ADAM22: variants seen among roughly 807,000 people sequenced by gnomAD.
The protein encoded by ADAM22 is disintegrin and metalloproteinase domain-containing protein 22.
In ADAM22, 65 loss-of-function variants were observed where a neutral mutation model predicts 144.6. That is an observed-to-expected ratio of 0.45 (90% CI 0.37 to 0.55). The LOEUF (loss-of-function observed/expected upper bound fraction) is 0.55. Ranked by LOEUF, ADAM22 falls within the 20% of genes least tolerant of loss-of-function variation. The probability of loss-of-function intolerance (pLI) is 0.00; values close to 1 mark genes in which losing one functional copy is unlikely to be tolerated. For synonymous variants in ADAM22, 391 were observed against 412.6 expected, an observed-to-expected ratio of 0.95 and a Z score of 0.63; for missense variants, 974 against 1,184.9, an observed-to-expected ratio of 0.82 and a Z score of 2.61.
At chr7:88,047,008 G>A (rs1020133120) in intron 3 of ADAM22, among the ~76,000 whole-genome samples, 49 of 152,236 alleles carry the variant, frequency 3.2e-4, no homozygotes, top group African/African-American at 1.1e-3. Flanking sequence ...CACCAGCTGT[G>A]GAACTTGGTG....
At chr7:88,088,008 A>C (rs982339814) in intron 4 of ADAM22, among the ~76,000 whole-genome samples, 1 of 152,132 alleles carries the variant, frequency 6.6e-6, no homozygotes, top group Non-Finnish European at 1.5e-5. Flanking sequence ...GCCACCATTG[A>C]AGTCTGGAAA....
intron 2 of ADAM22, among the ~76,000 whole-genome samples, chr7:87,953,507 C>T (rs1453866625): frequency 2.0e-5 from 3 of 152,232 alleles, no homozygotes; most frequent in African/African-American, 4.8e-5. Context: ...GTCTGAGAGA[C>T]AGTTTGTTAC....
intron 24 of ADAM22, among the ~76,000 whole-genome samples, chr7:88,167,789 G>A (rs1316305275): frequency 6.6e-6 from 1 of 152,052 alleles, no homozygotes; most frequent in Non-Finnish European, 1.5e-5. Flanking sequence ...AACATTTCTA[G>A]AATTTCTGAG....
intron 29 of ADAM22, among the ~76,000 whole-genome samples, chr7:88,183,376 C>T (rs1847554605): frequency 6.6e-6 from 1 of 152,004 alleles, no homozygotes; most frequent in Admixed American, 6.6e-5. Context: ...TCCTTGTTTA[C>T]TGTTTAGTGT....
intron 3 of ADAM22, among the ~76,000 whole-genome samples, chr7:88,061,817 CTCTT>C (rs1290264142): frequency 6.8e-6 from 1 of 147,126 alleles, no homozygotes; most frequent in Non-Finnish European, 1.5e-5. Context: ...AGTCAGCCTT[CTCTT>C]TCTTTCTCTC....
At chr7:88,157,927 C>G (rs4728733) in intron 22 of ADAM22, among the ~76,000 whole-genome samples, 4 of 151,926 alleles carry the variant, frequency 2.6e-5, no homozygotes, top group African/African-American at 9.7e-5. Flanking sequence ...TGTAAATGGC[C>G]TAAATACCCC....
At chr7:88,002,239 A>C (rs1792739259) in intron 3 of ADAM22, among the ~76,000 whole-genome samples, 1 of 152,188 alleles carries the variant, frequency 6.6e-6, no homozygotes, top group Non-Finnish European at 1.5e-5. Context: ...GTGTCTGGCT[A>C]GGATACCTTC....
chr7:88,033,600 GC>G (rs1800801223), intron 3 of ADAM22, among the ~76,000 whole-genome samples: 1 of 152,204 alleles, frequency 6.6e-6, no homozygotes, highest in Non-Finnish European at 1.5e-5. Context: ...TCAGCTGGTG[GC>G]AAAGCCAGCC....
intron 4 of ADAM22, among the ~76,000 whole-genome samples, chr7:88,084,601 A>T (rs1817899960): frequency 6.6e-6 from 1 of 152,170 alleles, no homozygotes; most frequent in Non-Finnish European, 1.5e-5. Flanking sequence ...TTCTGTGCTT[A>T]GCTCTTTGAG....
chr7:87,970,334 T>C (rs773610845), intron 2 of ADAM22, among the ~76,000 whole-genome samples: 7 of 152,158 alleles, frequency 4.6e-5, no homozygotes, highest in Non-Finnish European at 8.8e-5. Context: ...AAGAGTCAAA[T>C]GGCAAATATG....
intron 18 of ADAM22, 24 bp downstream of exon 18, chr7:88,149,081 A>G (rs1837538365): frequency 6.3e-7 from 1 of 1,584,930 alleles, no homozygotes; most frequent in Non-Finnish European, 8.7e-7. Context: ...TAACTGCTCT[A>G]AAACTTATGG....
At chr7:88,181,870 C>T (rs1847116214) in intron 28 of ADAM22, 88 bp from the exon 29 acceptor site, 1 of 1,179,050 alleles carries the variant, frequency 8.5e-7, no homozygotes, top group Admixed American at 2.0e-5. Flanking sequence ...TGCTGCTTAT[C>T]AATTATACCC....
chr7:88,120,182 A>G (rs945860583), intron 7 of ADAM22, among the ~76,000 whole-genome samples: 1 of 151,748 alleles, frequency 6.6e-6, no homozygotes, highest in Admixed American at 6.6e-5. Flanking sequence ...TAATATATAT[A>G]TATTTTTTAT....
intron 10 of ADAM22, 142 bp downstream of exon 10, chr7:88,130,601 C>T (rs1471723396): frequency 8.6e-6 from 6 of 694,034 alleles, no homozygotes; most frequent in Middle Eastern, 6.1e-4. Flanking sequence ...GGTGACCTTG[C>T]AATAGACTTT....
intron 3 of ADAM22, among the ~76,000 whole-genome samples, chr7:88,058,517 A>G (rs1808886991): frequency 6.6e-6 from 1 of 152,208 alleles, no homozygotes; most frequent in South Asian, 2.1e-4. Flanking sequence ...GACTTTTTAG[A>G]AGTTATACTT....
At chr7:88,191,518 A>G (rs1586654029) in intron 30 of ADAM22, among the ~76,000 whole-genome samples, 1 of 152,384 alleles carries the variant, frequency 6.6e-6, no homozygotes, top group East Asian at 1.9e-4. Flanking sequence ...CTCATTTTAG[A>G]AAGATGCATT....
At chr7:87,957,100 G>C (rs2129444521) in intron 2 of ADAM22, among the ~76,000 whole-genome samples, 1 of 152,246 alleles carries the variant, frequency 6.6e-6, no homozygotes, top group East Asian at 1.9e-4. Flanking sequence ...TCACAGGTAA[G>C]CTCAGTACCT....
chr7:87,964,765 C>A, intron 2 of ADAM22: 1 of 326,188 alleles, frequency 3.1e-6, no homozygotes, highest in Non-Finnish European at 5.9e-6. Flanking sequence ...TGGATTCTTT[C>A]AACCTTCCTG....
At chr7:88,054,470 A>G (rs1049803203) in intron 3 of ADAM22, among the ~76,000 whole-genome samples, 4 of 152,018 alleles carry the variant, frequency 2.6e-5, no homozygotes, top group Non-Finnish European at 5.9e-5. Context: ...CCATCCCACC[A>G]GTCTGTTTTC....
Sources: allele counts gnomAD v4.1 joint callset (sites outside exome capture counted in the v4.1 genomes callset), GRCh38; gene constraint gnomAD v4.1.1; transcripts MANE v1.5; gene names NCBI Gene and HGNC (gene_info 2026-07-23, HGNC 2026-07-21).